TGOLN2: variants seen among roughly 807,000 people sequenced by gnomAD.
TGOLN2 encodes the protein trans-Golgi network integral membrane protein 2.
A neutral mutation model predicts 31.3 loss-of-function variants in TGOLN2; 19 were observed. The observed-to-expected ratio is 0.61, with a 90% CI of 0.42 to 0.89. The LOEUF is 0.89. Ranked by LOEUF, TGOLN2 falls within the 40% of genes least tolerant of loss-of-function variation. TGOLN2 has a pLI of 0.00. For missense variants in TGOLN2, 540 were observed against 559.2 expected (o/e 0.97, Z 0.35); for synonymous variants, 222 against 226.7 (o/e 0.98, Z 0.19).
chr2:85,322,971 G>A (rs1043364709), intron 3 of TGOLN2, among the ~76,000 whole-genome samples: 1 of 152,080 alleles, frequency 6.6e-6, no homozygotes, highest in African/African-American at 2.4e-5. Context: ...TGTGTTTTTT[G>A]TTGGTGGTGG....
chr2:85,327,775 A>AGG, intron 1 of TGOLN2, 90 bp from the exon 2 acceptor site: 1 of 354,090 alleles, frequency 2.8e-6, no homozygotes, highest in African/African-American at 3.3e-5. Context: ...CAGCGGGGGA[A>AGG]TGGGGATTGG....
At position 85,326,646 on chromosome 2, in the gene TGOLN2, G is replaced by T. The variant is rs1468604522; in HGVS notation, c.1086C>A (p.Ser362=). 6.2e-7 allele frequency: 1 copy of T among 1,613,906 alleles called. No homozygotes were observed. Among genetic ancestry groups the T allele is most frequent in the Admixed American group, 1.7e-5 (1 of 60,006 alleles). Residue 362 remains serine (S), a synonymous_variant, in exon 2 of 4, where the codon TCC becomes TCA. Transcript: ENST00000377386. ...AAAGGTCATCCTTCTCGCTACCCGT[G>T]GAATCCGAAAGTGTCCCTTCACGGT... is the stretch of plus-strand genomic sequence containing the variant. ...SENREGTLSD[S]TGSEKDDLYP...
chr2:85,323,130 G>A (rs1682604954), intron 3 of TGOLN2, among the ~76,000 whole-genome samples: 1 of 152,244 alleles, frequency 6.6e-6, no homozygotes, highest in African/African-American at 2.4e-5. Flanking sequence ...ACCATGCCCA[G>A]CTAATTTTTG....
chr2:85,320,914 T>G lies in TGOLN2; in HGVS notation c.*1822A>C, dbSNP rs1682524051. 6.6e-6 allele frequency: 1 copy of G among 150,830 alleles called. No individual in the cohort carries two copies. The highest frequency in any genetic ancestry group is 1.5e-5 in the Non-Finnish European group (1 of 67,896). 9.3% of individuals were successfully genotyped at this position (150,830 alleles called of 1,614,324 possible). A position where few individuals can be genotyped will look rare whatever the true frequency, so the allele number is the denominator to read the frequency against. On this transcript the variant is annotated 3_prime_UTR_variant, in exon 4 of 4. Transcript: ENST00000377386. ...ATAACTGGTAACCTTTAGAAAAGTT[T>G]AGTTGACAGACAGAGACCGAAGTGA...
chr2:85,322,375 C>A lies in TGOLN2; in HGVS notation c.*361G>T. 2.8e-6 allele frequency: 1 copy of A among 357,242 alleles called. No homozygotes were observed. Among genetic ancestry groups the A allele is most frequent in the Non-Finnish European group, 5.0e-6 (1 of 198,334 alleles). 22.1% of individuals were successfully genotyped at this position (357,242 alleles called of 1,614,324 possible). A position where few individuals can be genotyped will look rare whatever the true frequency, so the allele number is the denominator to read the frequency against. Reference sequence around the variant, plus strand: ...CAGGGAGGGTGGTCAGCAGCGCAGCCTGCCCAGGCTGGGATCTCCCTTTGG... The same window carrying A: ...CAGGGAGGGTGGTCAGCAGCGCAGCATGCCCAGGCTGGGATCTCCCTTTGG... On this transcript the variant is annotated 3_prime_UTR_variant, in exon 4 of 4. Coordinates refer to ENST00000377386, the MANE Select transcript of TGOLN2 (RefSeq NM_006464.4).
Sources: allele counts gnomAD v4.1 joint callset (sites outside exome capture counted in the v4.1 genomes callset), GRCh38; gene constraint gnomAD v4.1.1; transcripts MANE v1.5; gene names NCBI Gene and HGNC (gene_info 2026-07-23, HGNC 2026-07-21).